SPOCK3: variants seen among roughly 807,000 people sequenced by gnomAD.
SPOCK3 encodes SPARC (osteonectin), cwcv and kazal like domains proteoglycan 3.
Under a neutral mutation model 56.6 loss-of-function variants are expected in SPOCK3, and 30 were observed. That is an observed-to-expected ratio of 0.53 (90% CI 0.40 to 0.72). SPOCK3 has a LOEUF of 0.72. Ranked by LOEUF, SPOCK3 falls within the 30% of genes least tolerant of loss-of-function variation. The pLI, the probability that SPOCK3 is intolerant of heterozygous loss-of-function variation, is 0.00. For synonymous variants in SPOCK3, 196 were observed against 183.3 expected (o/e 1.07, Z -0.56); for missense variants, 527 against 530.0 (o/e 0.99, Z 0.06).
chr4:166,920,372 A>G (rs1420285455), intron 4 of SPOCK3, among the ~76,000 whole-genome samples: 2 of 152,182 alleles, frequency 1.3e-5, no homozygotes, highest in Non-Finnish European at 2.9e-5. Flanking sequence ...ATAAGTAATA[A>G]AATATCATAA....
Position 167,164,522 on chromosome 4 carries a change from T to C in SPOCK3, c.189+69463A>G, listed in dbSNP as rs113196285. 5.0e-3 allele frequency among the ~76,000 whole-genome samples: 766 copies of C among 152,152 alleles called. 4 individuals carry two copies. The highest frequency in any genetic ancestry group is 0.017 in the African/African-American group (724 of 41,524). ...ATGTGCCATGGTGGTTTGCTGCACC[T>C]ATCAACCTGTCATCTAGGTTTTAAG... On this transcript the variant is annotated intron_variant, in intron 2 of 10. Transcript: ENST00000357545.
At chr4:167,011,694 T>C (rs1009559078) in intron 3 of SPOCK3, among the ~76,000 whole-genome samples, 3 of 152,076 alleles carry the variant, frequency 2.0e-5, no homozygotes, top group Non-Finnish European at 4.4e-5. Flanking sequence ...GTTGGCCATA[T>C]AAACATCAAC....
At chr4:166,961,076 G>C (rs139155567) in intron 4 of SPOCK3, among the ~76,000 whole-genome samples, 1 of 152,126 alleles carries the variant, frequency 6.6e-6, no homozygotes, top group Non-Finnish European at 1.5e-5. Flanking sequence ...GATAAATATG[G>C]AAAGACAGGC....
At chr4:166,854,609 GAATTT>G (rs921707115) in intron 6 of SPOCK3, among the ~76,000 whole-genome samples, 1 of 152,056 alleles carries the variant, frequency 6.6e-6, no homozygotes, top group Non-Finnish European at 1.5e-5. Context: ...TATAACTTAA[GAATTT>G]AATTACTGAA....
chr4:166,985,542 A>G (rs1291601534), intron 4 of SPOCK3, among the ~76,000 whole-genome samples: 1 of 152,164 alleles, frequency 6.6e-6, no homozygotes, highest in Non-Finnish European at 1.5e-5. Context: ...GTTGTCCTCA[A>G]TGTTAGAATT....
intron 2 of SPOCK3, among the ~76,000 whole-genome samples, chr4:167,110,978 G>A (rs1760853200): frequency 6.6e-6 from 1 of 151,510 alleles, no homozygotes; most frequent in Non-Finnish European, 1.5e-5. Context: ...ACAATATTTT[G>A]GAATGACATA....
chr4:166,751,654 AG>A (rs1736387801), intron 8 of SPOCK3, among the ~76,000 whole-genome samples: 2 of 152,162 alleles, frequency 1.3e-5, no homozygotes, highest in Non-Finnish European at 1.5e-5. Flanking sequence ...TGTACACAAA[AG>A]ACTAGGTGGA....
intron 6 of SPOCK3, among the ~76,000 whole-genome samples, chr4:166,873,886 G>C (rs566923127): frequency 1.3e-5 from 2 of 152,246 alleles, no homozygotes; most frequent in Admixed American, 6.5e-5. Context: ...TGGCATCAAA[G>C]ATCTCAAAAG....
At chr4:166,827,553 T>C (rs1421919138) in intron 6 of SPOCK3, among the ~76,000 whole-genome samples, 1 of 152,084 alleles carries the variant, frequency 6.6e-6, no homozygotes, top group African/African-American at 2.4e-5. Context: ...TGCCCTCAGT[T>C]ACCACTAGGC....
intron 6 of SPOCK3, among the ~76,000 whole-genome samples, chr4:166,880,571 A>T (rs1017458972): frequency 2.6e-5 from 4 of 152,134 alleles, no homozygotes; most frequent in African/African-American, 9.7e-5. Context: ...GGCCATTGAC[A>T]CCTTAAAAAC....
intron 2 of SPOCK3, among the ~76,000 whole-genome samples, chr4:167,166,581 C>T (rs1765784876): frequency 6.6e-6 from 1 of 151,994 alleles, no homozygotes; most frequent in East Asian, 1.9e-4. Flanking sequence ...ATAAAAGCAC[C>T]TGTAAGGCTT....
At chr4:166,901,154 C>T (rs1301071320) in intron 5 of SPOCK3, among the ~76,000 whole-genome samples, 6 of 152,116 alleles carry the variant, frequency 3.9e-5, no homozygotes, top group East Asian at 1.9e-4. Context: ...CACCATCAGA[C>T]GTCTTTCCCA....
chr4:166,771,676 G>A (rs1738948314), intron 7 of SPOCK3, among the ~76,000 whole-genome samples: 2 of 151,960 alleles, frequency 1.3e-5, no homozygotes, highest in Non-Finnish European at 2.9e-5. Context: ...CACATCATAT[G>A]TTTAGAAACA....
At chr4:167,047,111 A>T (rs1753805781) in intron 3 of SPOCK3, among the ~76,000 whole-genome samples, 1 of 152,200 alleles carries the variant, frequency 6.6e-6, no homozygotes, top group Admixed American at 6.5e-5. Context: ...ATTCTAAGGC[A>T]GGCATTTCTG....
intron 3 of SPOCK3, among the ~76,000 whole-genome samples, chr4:167,049,697 C>T (rs1754025751): frequency 6.6e-6 from 1 of 152,104 alleles, no homozygotes; most frequent in Non-Finnish European, 1.5e-5. Flanking sequence ...AAAGATCAGA[C>T]ATTAGAGGCA....
chr4:166,833,717 C>T (rs1480151570), intron 6 of SPOCK3, among the ~76,000 whole-genome samples: 1 of 152,126 alleles, frequency 6.6e-6, no homozygotes, highest in African/African-American at 2.4e-5. Flanking sequence ...TTTTTCTCCA[C>T]TAATGGCTTA....
At chr4:166,939,415 A>C (rs969551746) in intron 4 of SPOCK3, among the ~76,000 whole-genome samples, 1 of 152,166 alleles carries the variant, frequency 6.6e-6, no homozygotes, top group Non-Finnish European at 1.5e-5. Flanking sequence ...CAAAGCAATA[A>C]AAACAGATAT....
intron 7 of SPOCK3, among the ~76,000 whole-genome samples, chr4:166,769,628 G>A (rs536521834): frequency 5.3e-5 from 8 of 151,258 alleles, no homozygotes; most frequent in African/African-American, 1.5e-4. Flanking sequence ...TAGGCTACTC[G>A]GGGGTCAGGG....
intron 6 of SPOCK3, among the ~76,000 whole-genome samples, chr4:166,850,403 A>G (rs1748554743): frequency 6.6e-6 from 1 of 152,242 alleles, no homozygotes; most frequent in Non-Finnish European, 1.5e-5. Context: ...GTGATATAAT[A>G]GGGTTCTGGA....
Sources: allele counts gnomAD v4.1 joint callset (sites outside exome capture counted in the v4.1 genomes callset), GRCh38; gene constraint gnomAD v4.1.1; transcripts MANE v1.5; gene names NCBI Gene and HGNC (gene_info 2026-07-23, HGNC 2026-07-21).